Variants in AFAP1L2 observed in about 807,000 individuals in gnomAD.
AFAP1L2 encodes actin filament associated protein 1 like 2, also known as actin filament-associated protein 1-like 2.
AFAP1L2 carries 46 observed loss-of-function variants against 99.3 expected under a neutral mutation model. The ratio of observed to expected loss-of-function variants is 0.46; its 90% CI spans 0.37 to 0.59. The LOEUF is 0.59. Ranked by LOEUF, AFAP1L2 falls within the 20% of genes least tolerant of loss-of-function variation. AFAP1L2 has a pLI of 0.00. For missense variants in AFAP1L2, 959 were observed against 1,034.9 expected (o/e 0.93, Z 1.01); for synonymous variants, 397 against 419.1 (o/e 0.95, Z 0.64).
At chr10:114,363,751 G>A (rs919392974) in intron 1 of AFAP1L2, among the ~76,000 whole-genome samples, 3 of 152,160 alleles carry the variant, frequency 2.0e-5, no homozygotes, top group Non-Finnish European at 4.4e-5. Context: ...ACATTCAGCC[G>A]GTTCTGTTCA....
intron 16 of AFAP1L2, among the ~76,000 whole-genome samples, chr10:114,299,031 T>C (rs547138940): frequency 3.3e-4 from 50 of 152,368 alleles, no homozygotes; most frequent in African/African-American, 1.2e-3. Context: ...GATGACCTGC[T>C]GGTCCTATTG....
chr10:114,295,744 T>TAAAGC lies in AFAP1L2; in HGVS notation c.*293_*297dup. On this transcript the variant is annotated 3_prime_UTR_variant, in exon 19 of 19. Transcript: ENST00000304129. ...GGTTTTCACTATTTAAAAATCTTAG[T>TAAAGC]AAAGCAATTGATGACAACTTCAAAA... is the stretch of plus-strand genomic sequence containing the variant. 1 of 1,134,672 alleles carries TAAAGC rather than the reference T, an allele frequency of 8.8e-7. No individual in the cohort carries two copies. Among genetic ancestry groups the TAAAGC allele is most frequent in the Non-Finnish European group, 1.1e-6 (1 of 924,650 alleles). 70.3% of individuals were successfully genotyped at this position (1,134,672 alleles called of 1,614,324 possible).
intron 4 of AFAP1L2, among the ~76,000 whole-genome samples, chr10:114,329,851 T>C (rs191604794): frequency 1.3e-5 from 2 of 152,334 alleles, no homozygotes; most frequent in East Asian, 3.9e-4. Context: ...CCTGGCCTAG[T>C]ACTTCCCAAC....
downstream of AFAP1L2, chr10:114,290,149 C>A: frequency 6.7e-7 from 1 of 1,497,118 alleles, no homozygotes; most frequent in South Asian, 1.3e-5. Context: ...CTCTAGTAGC[C>A]TTGCACCTCT....
Position 114,296,963 on chromosome 10 carries a change from G to A in AFAP1L2, c.2430+15C>T, listed in dbSNP as rs2040334158. The stretch of plus-strand genomic sequence containing the variant: ...TTTCTGCTGGCCCCAAGGGAGGCTG[G>A]GAGTGACTGCTTACCTTGGCTTTCT... On this transcript the variant is annotated intron_variant, in intron 18 of 18. Transcript: ENST00000304129. The A allele has an allele frequency of 6.2e-7, 1 of 1,614,076 alleles. No homozygotes were observed. Among genetic ancestry groups the A allele is most frequent in the Non-Finnish European group, 8.5e-7 (1 of 1,180,000 alleles).
the AFAP1L2 span, among the ~76,000 whole-genome samples, chr10:114,282,017 C>CTTTTTTTTTTTTTTTTTTTTTTTTTT: frequency 1.7e-5 from 2 of 119,662 alleles, 1 homozygote; most frequent in Non-Finnish European, 3.4e-5. Flanking sequence ...CTTATGTTAC[C>CTTTTTTTTTTTTTTTTTTTTTTTTTT]TTTTTTTTTT....
At chr10:114,400,849 C>T (rs1248308854) in intron 1 of AFAP1L2, among the ~76,000 whole-genome samples, 1 of 152,084 alleles carries the variant, frequency 6.6e-6, no homozygotes, top group East Asian at 1.9e-4. Flanking sequence ...TTTGAAAGCT[C>T]CACAGATGAT....
intron 4 of AFAP1L2, chr10:114,326,171 G>T: frequency 1.7e-6 from 1 of 595,846 alleles, no homozygotes; most frequent in Non-Finnish European, 2.4e-6. Flanking sequence ...TGTTTTGTGA[G>T]TGTCTCCTAA....
At position 114,340,658 on chromosome 10, in the gene AFAP1L2, T is replaced by G. The variant is rs766901870; in HGVS notation, c.90A>C (p.Ala30=). 14 of 1,614,206 alleles carry G rather than the reference T, an allele frequency of 8.7e-6. No homozygotes were observed. Among genetic ancestry groups the G allele is most frequent in the Non-Finnish European group, 1.1e-5 (13 of 1,180,044 alleles). The change falls in exon 2 of 19, where the codon GCA becomes GCC. Residue 30 remains alanine (A), a synonymous_variant. Coordinates refer to ENST00000304129, the MANE Select transcript of AFAP1L2 (RefSeq NM_001001936.3). ...ILDQENLSST[A]LVKKSCLAEL... Reference sequence around the variant, plus strand: ...CCGCCAGGCAGCTCTTCTTCACCAGTGCTGTGCTGCTCAGGTTCTCCTGGT... The same window carrying G: ...CCGCCAGGCAGCTCTTCTTCACCAGGGCTGTGCTGCTCAGGTTCTCCTGGT...
rs565606381 is a variant in AFAP1L2 at position 114,377,863 on chromosome 10, T to C, written c.16+26577A>G. ...CCAAGGGAGACTGAAGTCCTCCATA[T>C]GTCTGAGGGATTCTACAGAGAGCTC... On this transcript the variant is annotated intron_variant, in intron 1 of 18. Coordinates refer to ENST00000304129, the MANE Select transcript of AFAP1L2 (RefSeq NM_001001936.3). The surrounding 1 kb of genome is among the most constrained non-coding windows in gnomAD (Gnocchi z 4.0). Among the ~76,000 whole-genome samples the C allele has an allele frequency of 3.0e-4, 45 of 152,226 alleles. No homozygotes were observed. Among genetic ancestry groups the C allele is most frequent in the Admixed American group, 5.9e-4 (9 of 15,290 alleles).
chr10:114,307,217 T>G (rs183658663), intron 10 of AFAP1L2, among the ~76,000 whole-genome samples: 5 of 152,202 alleles, frequency 3.3e-5, no homozygotes, highest in Admixed American at 3.3e-4. Flanking sequence ...GGGTTCTCAT[T>G]GTCCCCTTCA....
chr10:114,351,655 A>G (rs2136225302), intron 1 of AFAP1L2, among the ~76,000 whole-genome samples: 1 of 152,318 alleles, frequency 6.6e-6, no homozygotes, highest in East Asian at 1.9e-4. Context: ...GAACCTGGGC[A>G]GGAGAAACGA....
chr10:114,329,625 T>C lies in AFAP1L2; in HGVS notation c.315+2178A>G, dbSNP rs541099426. ...CACCCAGCAAGCAATGCCTGGGCCA[T>C]ACCAGAAAACCTCTGGTTAAAGCCA... On this transcript the variant is annotated intron_variant, in intron 4 of 18. Transcript: ENST00000304129. 2.9e-3 allele frequency among the ~76,000 whole-genome samples: 439 copies of C among 152,290 alleles called. 2 individuals carry two copies. The highest frequency in any genetic ancestry group is 0.01 in the African/African-American group (422 of 41,564).
intron 5 of AFAP1L2, among the ~76,000 whole-genome samples, chr10:114,319,257 G>T (rs10885546): frequency 0.73 from 110,482 of 151,920 alleles, 41,887 homozygotes; most frequent in East Asian, 0.93. Flanking sequence ...CTGAGATAAT[G>T]CCATCCCCAT....
At chr10:114,289,286 C>T in the AFAP1L2 span, 2 of 1,614,004 alleles carry the variant, frequency 1.2e-6, no homozygotes. Context: ...GTGGTGCTCA[C>T]AGGCGGGAGA....
At chr10:114,365,964 G>A (rs1419300342) in intron 1 of AFAP1L2, among the ~76,000 whole-genome samples, 2 of 151,926 alleles carry the variant, frequency 1.3e-5, no homozygotes, top group East Asian at 1.9e-4. Flanking sequence ...TCAAACTCCA[G>A]GCCTCAAGTG....
chr10:114,350,268 A>C (rs1162813411), intron 1 of AFAP1L2, among the ~76,000 whole-genome samples: 1 of 152,238 alleles, frequency 6.6e-6, no homozygotes, highest in Non-Finnish European at 1.5e-5. Context: ...GCCCAGAAGC[A>C]CTACCTGTCC....
chr10:114,311,334 C>G (rs922209151), intron 7 of AFAP1L2, among the ~76,000 whole-genome samples: 1 of 152,158 alleles, frequency 6.6e-6, no homozygotes, highest in Admixed American at 6.5e-5. Flanking sequence ...ACCTGGAAGC[C>G]CTTTGGAAAC....
intron 1 of AFAP1L2, among the ~76,000 whole-genome samples, chr10:114,389,380 G>C (rs531926847): frequency 6.6e-6 from 1 of 152,218 alleles, no homozygotes; most frequent in African/African-American, 2.4e-5. Context: ...GAGAGGGAGT[G>C]TATCATGCTT....
Sources: allele counts gnomAD v4.1 joint callset (sites outside exome capture counted in the v4.1 genomes callset), GRCh38; gene constraint gnomAD v4.1.1; non-coding constraint Gnocchi (gnomAD v3.1); transcripts MANE v1.5; gene names NCBI Gene and HGNC (gene_info 2026-07-23, HGNC 2026-07-21).